Variants in FBXO7 observed in about 807,000 individuals in gnomAD.
FBXO7 encodes the protein F-box only protein 7.
FBXO7 carries 31 observed loss-of-function variants against 50.2 expected under a neutral mutation model. The ratio of observed to expected loss-of-function variants is 0.62; its 90% CI spans 0.46 to 0.83. FBXO7 has a LOEUF of 0.83. Among genes scored for constraint, FBXO7 ranks in the 40% least tolerant of loss-of-function variants. The pLI is 0.00. For synonymous variants in FBXO7, 256 were observed against 253.1 expected (o/e 1.01, Z -0.11); for missense variants, 667 against 646.6 (o/e 1.03, Z -0.34).
chr22:32,496,436 C>G (rs567497680), intron 8 of FBXO7, among the ~76,000 whole-genome samples: 5 of 152,042 alleles, frequency 3.3e-5, no homozygotes, highest in South Asian at 2.1e-4. Flanking sequence ...GAGCCAAGAT[C>G]GCTCCATTGC....
At chr22:32,495,366 T>G in intron 7 of FBXO7, 127 bp from the exon 8 acceptor site, 1 of 587,386 alleles carries the variant, frequency 1.7e-6, no homozygotes, top group South Asian at 1.9e-5. Context: ...TATAAATGGT[T>G]AGTTTTTTTT....
intron 6 of FBXO7, 23 bp downstream of exon 6, chr22:32,491,204 A>G (rs1202879326): frequency 8.3e-6 from 12 of 1,452,938 alleles, no homozygotes; most frequent in Non-Finnish European, 1.2e-5. Flanking sequence ...ATACTGTCAC[A>G]ATTTAAATGA....
rs1228608709 is a variant in FBXO7, at chr22:32,479,008, GA to G, written c.152del (p.Asn51ThrfsTer23). ...SSNTRFTITL[N>X]YKDPLTGDEE... is the part of the protein sequence containing the mutation. ...CTAATACCCGATTTACAATTACATT[GA>G]ACTACAAGGATCCCCTCACTGGAGA... On this transcript the variant is annotated frameshift_variant, in exon 2 of 9. Transcript: ENST00000266087. LOFTEE classifies it high-confidence loss of function. 2.5e-6 allele frequency: 4 copies of G among 1,614,138 alleles called. No homozygotes were observed. Among genetic ancestry groups the G allele is most frequent in the Non-Finnish European group, 3.4e-6 (4 of 1,180,016 alleles).
chr22:32,498,114 C>A, intron 8 of FBXO7, 30 bp from the exon 9 acceptor site: 1 of 1,612,116 alleles, frequency 6.2e-7, no homozygotes. Context: ...CTTACCTTAT[C>A]TTGTTCTTTT....
chr22:32,484,357 G>A (rs182333581), intron 3 of FBXO7, among the ~76,000 whole-genome samples: 1 of 152,252 alleles, frequency 6.6e-6, no homozygotes, highest in Admixed American at 6.5e-5. Context: ...TGGAATACCT[G>A]GGGACCTTAT....
rs763963522 is a variant in FBXO7 at position 32,484,057 on chromosome 22, C to G, written c.578C>G (p.Ser193Cys). 6.2e-7 allele frequency: 1 copy of G among 1,614,186 alleles called. No individual in the cohort carries two copies. Among genetic ancestry groups the G allele is most frequent in the Non-Finnish European group, 8.5e-7 (1 of 1,180,026 alleles). Residue 193 changes from serine to cysteine, a missense_variant, in exon 3 of 9, where the codon TCT becomes TGT. Ser to Cys is a moderately radical substitution (Grantham distance 112). Coordinates refer to ENST00000266087, the MANE Select transcript of FBXO7 (RefSeq NM_012179.4). ...LETLYQSADC[S>C]DANDALIVLI... ...ACCTTGTATCAATCAGCTGACTGTT[C>G]TGATGCCAATGATGCCTTGATAGTG...
intron 2 of FBXO7, 125 bp downstream of exon 2, chr22:32,479,400 T>TA: frequency 1.2e-5 from 10 of 856,864 alleles, no homozygotes; most frequent in South Asian, 1.9e-5. Context: ...TATATTTTTT[T>TA]CTTTTTTTTT....
chr22:32,491,976 GA>G (rs1398632084), intron 6 of FBXO7: 3 of 152,184 alleles, frequency 2.0e-5, no homozygotes, highest in African/African-American at 7.2e-5. Context: ...GTAGTAGAAG[GA>G]AAGGAGTGCC....
intron 4 of FBXO7, among the ~76,000 whole-genome samples, chr22:32,485,988 G>A (rs532786490): frequency 1.6e-4 from 24 of 152,180 alleles, no homozygotes; most frequent in African/African-American, 5.8e-4. Context: ...GGTAAGATTG[G>A]GAGGGCTGCG....
Position 32,478,896 on chromosome 22 carries a change from T to C in FBXO7, c.123-85T>C. 3.2e-6 allele frequency: 4 copies of C among 1,242,966 alleles called. 1 individual carries two copies. The Admixed American group carries it at 5.0e-5, about 16-fold the overall frequency. The allele number at this position is 1,242,966 out of a possible 1,614,324, so 77.0% of individuals were successfully genotyped here. On this transcript the variant is annotated intron_variant, in intron 1 of 8. Transcript: ENST00000266087. ...TCACTTAGTTCTTCTAGGGTCATAC[T>C]GTGTACTTATGTATGCTTCAGATGT... is the stretch of plus-strand genomic sequence containing the variant.
chr22:32,494,452 C>T (rs936788150), intron 7 of FBXO7, among the ~76,000 whole-genome samples: 2 of 152,110 alleles, frequency 1.3e-5, no homozygotes, highest in Admixed American at 6.5e-5. Context: ...GTGATCCTCC[C>T]TCCTCAGCCT....
rs777391493 is a variant in FBXO7 at position 32,483,946 on chromosome 22, A to G, written c.467A>G (p.His156Arg). 6.8e-6 allele frequency: 11 copies of G among 1,614,226 alleles called. No homozygotes were observed. The highest frequency in any genetic ancestry group is 1.7e-5 in the Admixed American group (1 of 60,024). Residue 156 changes from histidine to arginine, a missense_variant, in exon 3 of 9, where the codon CAT becomes CGT. By Grantham distance (29) the His-to-Arg change is conservative. Coordinates refer to ENST00000266087, the MANE Select transcript of FBXO7 (RefSeq NM_012179.4). Reference sequence around the variant, plus strand: ...GCTGAGTCAATTCAAGATAATGCGCATATGGCAGAGGGCACAGGTTTCTAT... The same window carrying G: ...GCTGAGTCAATTCAAGATAATGCGCGTATGGCAGAGGGCACAGGTTTCTAT... ...FEAESIQDNAHMAEGTGFYPS... is the reference protein window; with the variant it reads ...FEAESIQDNARMAEGTGFYPS...
At chr22:32,495,394 G>C in intron 7 of FBXO7, 99 bp from the exon 8 acceptor site, 1 of 711,052 alleles carries the variant, frequency 1.4e-6, no homozygotes, top group Non-Finnish European at 2.4e-6. Context: ...ATGCTTAACG[G>C]GTAAGTTTCA....
At chr22:32,494,512 T>TTG (rs1219680870) in intron 7 of FBXO7, among the ~76,000 whole-genome samples, 3 of 151,948 alleles carry the variant, frequency 2.0e-5, no homozygotes, top group African/African-American at 7.3e-5. Context: ...TGGCCAATTT[T>TTG]TGTTTGTTTG....
At chr22:32,484,271 C>G (rs1328087147) in intron 3 of FBXO7, 147 bp downstream of exon 3, 1 of 727,966 alleles carries the variant, frequency 1.4e-6, no homozygotes, top group Non-Finnish European at 2.5e-6. Flanking sequence ...CTGGGAGAAA[C>G]ATACTCATAT....
intron 1 of FBXO7, among the ~76,000 whole-genome samples, chr22:32,476,372 A>G (rs903300277): frequency 5.9e-5 from 9 of 152,166 alleles, no homozygotes; most frequent in Non-Finnish European, 2.9e-5. Context: ...TTATTTTTTA[A>G]AGGTATTACC....
rs150339020 is a variant in FBXO7, at chr22:32,475,506, G to A, written c.122+382G>A. 1.1e-3 allele frequency: 1,587 copies of A among 1,425,198 alleles called. 19 individuals carry two copies. In the African/African-American group the frequency reaches 0.018, roughly 16 times the overall value. The allele number at this position is 1,425,198 out of a possible 1,614,324, so 88.3% of individuals were successfully genotyped here. On this transcript the variant is annotated intron_variant, in intron 1 of 8. Transcript: ENST00000266087. ...AGTTGGAAATGATGAGCTTGGCTTG[G>A]GTTAAACCTTTCTGGACTGTGAGGG...
intron 6 of FBXO7, 36 bp from the exon 7 acceptor site, chr22:32,493,069 C>T (rs375622637): frequency 4.9e-5 from 79 of 1,602,064 alleles, no homozygotes; most frequent in Non-Finnish European, 6.5e-5. Context: ...GTTCTTTACT[C>T]AGTAATACCT....
chr22:32,486,349 T>G (rs578043574), intron 4 of FBXO7, among the ~76,000 whole-genome samples: 2 of 152,178 alleles, frequency 1.3e-5, no homozygotes, highest in African/African-American at 4.8e-5. Context: ...TTTTCTTTTT[T>G]TTGAGACAGG....
Sources: allele counts gnomAD v4.1 joint callset (sites outside exome capture counted in the v4.1 genomes callset), GRCh38; gene constraint gnomAD v4.1.1; transcripts MANE v1.5; gene names NCBI Gene and HGNC (gene_info 2026-07-23, HGNC 2026-07-21).